Variants in PCNX2 observed in about 807,000 individuals in gnomAD.
PCNX2 encodes pecanex 2, also known as pecanex-like protein 2.
A neutral mutation model predicts 223.8 loss-of-function variants in PCNX2; 168 were observed. The ratio of observed to expected loss-of-function variants is 0.75; its 90% CI spans 0.66 to 0.85. PCNX2 has a LOEUF of 0.85. Among genes scored for constraint, PCNX2 ranks in the 40% least tolerant of loss-of-function variants. PCNX2 has a pLI of 0.00. For synonymous variants in PCNX2, 1,006 were observed against 1,052.6 expected (o/e 0.96, Z 0.86); for missense variants, 2,507 against 2,675.5 (o/e 0.94, Z 1.39).
At position 233,057,309 on chromosome 1, in the gene PCNX2, G is replaced by C. The variant is rs776945298; in HGVS notation, c.4077-19C>G. The C allele has an allele frequency of 1.1e-5, 17 of 1,593,204 alleles. No homozygotes were observed. The highest frequency in any genetic ancestry group is 1.7e-5 in the Admixed American group (1 of 59,124). ...CCTTGTACTAGAAGAGGCCACAAAA[G>C]GGTAAAAGGTCATGATTAGATCCCC... On this transcript the variant is annotated intron_variant, in intron 23 of 33. Coordinates refer to ENST00000258229, the MANE Select transcript of PCNX2 (RefSeq NM_014801.4).
At chr1:233,211,950 T>C (rs1455976050) in intron 12 of PCNX2, 1 of 275,648 alleles carries the variant, frequency 3.6e-6, no homozygotes, top group Non-Finnish European at 5.5e-6. Flanking sequence ...TCTCTGCCCA[T>C]TTCTCGGCTG....
intron 17 of PCNX2, chr1:233,167,904 T>C (rs1364785497): frequency 1.3e-6 from 1 of 794,868 alleles, no homozygotes; most frequent in Non-Finnish European, 1.5e-6. Context: ...GTAGGTTTTT[T>C]CAGGTAGGTA....
chr1:233,025,697 C>A (rs758677855), intron 25 of PCNX2: 111 of 404,488 alleles, frequency 2.7e-4, no homozygotes, highest in Non-Finnish European at 4.3e-4. Flanking sequence ...CAGTGGGAGG[C>A]AGTAGTTGAC....
At chr1:233,045,662 C>A (rs1671800586) in intron 25 of PCNX2, among the ~76,000 whole-genome samples, 1 of 152,182 alleles carries the variant, frequency 6.6e-6, no homozygotes, top group Non-Finnish European at 1.5e-5. Context: ...GAAATCTTGG[C>A]TTTGTTAATC....
chr1:233,237,869 G>A (rs1658511977), intron 8 of PCNX2, among the ~76,000 whole-genome samples: 1 of 152,186 alleles, frequency 6.6e-6, no homozygotes, highest in Non-Finnish European at 1.5e-5. Flanking sequence ...GAATGAGAAA[G>A]AAACACAACT....
chr1:233,158,557 G>C (rs1326523707), intron 19 of PCNX2, among the ~76,000 whole-genome samples: 1 of 152,156 alleles, frequency 6.6e-6, no homozygotes, highest in African/African-American at 2.4e-5. Context: ...TAAAGGTATA[G>C]AAGTAAGTAT....
chr1:233,249,807 T>A (rs58183887), intron 8 of PCNX2, among the ~76,000 whole-genome samples: 4,276 of 152,228 alleles, frequency 0.028, 107 homozygotes, highest in African/African-American at 0.071. Context: ...CAGTAGTGGC[T>A]TTAAAGAGAG....
Position 233,111,883 on chromosome 1 carries a change from GTA to G in PCNX2, c.3838-16022_3838-16021del, listed in dbSNP as rs1338351331. 3.3e-5 allele frequency among the ~76,000 whole-genome samples: 5 copies of G among 152,188 alleles called. No homozygotes were observed. The East Asian group carries it at 9.6e-4, about 29-fold the overall frequency. On this transcript the variant is annotated intron_variant, in intron 21 of 33. Coordinates refer to ENST00000258229, the MANE Select transcript of PCNX2 (RefSeq NM_014801.4). ...TGAAACAAGTGACTGAAGGCCTCAG[GTA>G]TTGTTCCAGTTCATCAAGCGCATAG...
At position 233,000,634 on chromosome 1, in the gene PCNX2, A is replaced by C. The variant is rs1417102307; in HGVS notation, c.5098-99T>G. ...AACTGGCCAGTGACCTCCAAAGCTA[A>C]GCTCTTTCCTCATCTTCCTCTCTCC... On this transcript the variant is annotated intron_variant, in intron 29 of 33. Transcript: ENST00000258229. This position sits in a 1 kb window ranked among gnomAD's most constrained non-coding sequence, Gnocchi z 4.6. 6.3e-5 allele frequency: 58 copies of C among 917,378 alleles called. No individual in the cohort carries two copies. Among genetic ancestry groups the C allele is most frequent in the Non-Finnish European group, 8.9e-5 (54 of 604,146 alleles). The allele number at this position is 917,378 out of a possible 1,614,324, so 56.8% of individuals were successfully genotyped here.
intron 23 of PCNX2, among the ~76,000 whole-genome samples, chr1:233,071,256 A>G (rs868389073): frequency 2.7e-4 from 41 of 152,236 alleles, no homozygotes; most frequent in Middle Eastern, 3.4e-3. Context: ...AGATTATATC[A>G]TCATCCAGGT....
intron 22 of PCNX2, among the ~76,000 whole-genome samples, chr1:233,094,453 C>G (rs182796913): frequency 6.6e-6 from 1 of 152,162 alleles, no homozygotes; most frequent in Non-Finnish European, 1.5e-5. Context: ...TTTTCCTTAG[C>G]TTGTTCTGCC....
intron 32 of PCNX2, among the ~76,000 whole-genome samples, chr1:232,989,466 A>C (rs1414164360): frequency 1.3e-5 from 2 of 151,902 alleles, no homozygotes; most frequent in African/African-American, 2.4e-5. Context: ...AAAAAAAAAA[A>C]CTGCTCACTC....
chr1:233,258,354 T>C lies in PCNX2; in HGVS notation c.1508A>G (p.Glu503Gly). The C allele has an allele frequency of 1.2e-6, 2 of 1,613,918 alleles. No homozygotes were observed. The highest frequency in any genetic ancestry group is 1.7e-6 in the Non-Finnish European group (2 of 1,179,882). Residue 503 changes from glutamate to glycine, a missense_variant, in exon 5 of 34, where the codon GAG (glutamate) becomes GGG (glycine). This residue lies in a region of PCNX2 where 1,031 missense variants were observed against 1,021.7 expected (regional missense o/e 1.01). Coordinates refer to ENST00000258229, the MANE Select transcript of PCNX2 (RefSeq NM_014801.4). ...CTGGCCTTCCTTCCCCACCTTAGAC[T>C]CGGAGCCTGTATCAGGTGTAAGCCG... is the stretch of plus-strand genomic sequence containing the variant. ...VSRLTPDTGS[E>G]SKVGKEGQTN...
In PCNX2 at chr1:232,991,480, G is replaced by A. The variant is rs1391418921; in HGVS notation, c.5792-4940C>T. 6.6e-6 allele frequency among the ~76,000 whole-genome samples: 1 copy of A among 152,062 alleles called. No homozygotes were observed. Among genetic ancestry groups the A allele is most frequent in the Non-Finnish European group, 1.5e-5 (1 of 68,000 alleles). On this transcript the variant is annotated intron_variant, in intron 32 of 33. Transcript: ENST00000258229. The surrounding 1 kb of genome is among the most constrained non-coding windows in gnomAD (Gnocchi z 4.3). The stretch of plus-strand genomic sequence containing the variant: ...GCGTGGGTGTTCCGGGCTGAATCAT[G>A]TTCCCTCCCCAGACTCCTCTGTTGA...
intron 15 of PCNX2, among the ~76,000 whole-genome samples, chr1:233,188,264 G>GT (rs1239963923): frequency 6.6e-6 from 1 of 152,128 alleles, no homozygotes; most frequent in African/African-American, 2.4e-5. Context: ...CCCCCTGGCT[G>GT]TCGGATTGCA....
intron 1 of PCNX2, among the ~76,000 whole-genome samples, chr1:233,282,763 C>A (rs1661254562): frequency 6.6e-6 from 1 of 152,094 alleles, no homozygotes; most frequent in South Asian, 2.1e-4. Context: ...CTCAGAGAAA[C>A]CTTTTGATAA....
upstream of PCNX2, among the ~76,000 whole-genome samples, chr1:233,298,782 G>C (rs891865771): frequency 6.6e-6 from 1 of 152,086 alleles, no homozygotes; most frequent in African/African-American, 2.4e-5. Flanking sequence ...CCAGCTACTA[G>C]GGAGGCTGAG....
Position 233,257,958 on chromosome 1 carries a change from C to A in PCNX2, c.1834+70G>T, listed in dbSNP as rs1302001196. ...TCACTATTTGCAAAATCAAATTACA[C>A]AAGGCAAATGGCAAAAAGGTGTATT... On this transcript the variant is annotated intron_variant, in intron 5 of 33. Transcript: ENST00000258229. 3.3e-6 allele frequency: 5 copies of A among 1,510,422 alleles called. No individual in the cohort carries two copies. The African/African-American group carries it at 4.2e-5, about 13-fold the overall frequency. The allele number at this position is 1,510,422 out of a possible 1,614,324, so 93.6% of individuals were successfully genotyped here.
chr1:233,087,191 C>A (rs1422870636), intron 23 of PCNX2: 10 of 985,156 alleles, frequency 1.0e-5, no homozygotes, highest in Middle Eastern at 1.0e-3. Context: ...TCATTAGAGA[C>A]CTGCACAAAC....
Sources: allele counts gnomAD v4.1 joint callset (sites outside exome capture counted in the v4.1 genomes callset), GRCh38; gene constraint gnomAD v4.1.1; regional missense constraint gnomAD v4.1.1; non-coding constraint Gnocchi (gnomAD v3.1); transcripts MANE v1.5; gene names NCBI Gene and HGNC (gene_info 2026-07-23, HGNC 2026-07-21).